Variants in SGCZ observed in about 807,000 individuals in gnomAD.
SGCZ encodes zeta-sarcoglycan.
SGCZ carries 40 observed loss-of-function variants against 41.3 expected under a neutral mutation model. The ratio of observed to expected loss-of-function variants is 0.97; its 90% CI spans 0.75 to 1.26. SGCZ has a LOEUF of 1.26. Ranked by LOEUF, SGCZ falls within the 50% of genes most tolerant of loss-of-function variation. The probability of loss-of-function intolerance (pLI) is 0.00; values close to 1 mark genes in which losing one functional copy is unlikely to be tolerated. For synonymous variants in SGCZ, 206 were observed against 137.5 expected (o/e 1.50, Z -3.49); for missense variants, 552 against 369.8 (o/e 1.49, Z -4.04).
chr8:14,465,927 A>G (rs116210842), intron 2 of SGCZ, among the ~76,000 whole-genome samples: 4 of 151,480 alleles, frequency 2.6e-5, no homozygotes, highest in Admixed American at 6.6e-5. Flanking sequence ...CAATAACACC[A>G]GCTTTAGACT....
intron 3 of SGCZ, among the ~76,000 whole-genome samples, chr8:14,254,765 A>G (rs2117216468): frequency 6.6e-6 from 1 of 152,030 alleles, no homozygotes; most frequent in Non-Finnish European, 1.5e-5. Context: ...TTTCTGGAGG[A>G]GGAATTTGTG....
intron 1 of SGCZ, among the ~76,000 whole-genome samples, chr8:14,686,667 G>T (rs2117556891): frequency 6.6e-6 from 1 of 152,196 alleles, no homozygotes; most frequent in East Asian, 1.9e-4. Context: ...GTTTAGACAT[G>T]TTGCAGGGGC....
At chr8:14,483,694 A>T (rs1801595804) in intron 2 of SGCZ, among the ~76,000 whole-genome samples, 1 of 152,224 alleles carries the variant, frequency 6.6e-6, no homozygotes, top group African/African-American at 2.4e-5. Flanking sequence ...ATCACATTTG[A>T]TCCTGAACTA....
intron 1 of SGCZ, among the ~76,000 whole-genome samples, chr8:15,035,281 C>A (rs1803832924): frequency 6.6e-6 from 1 of 152,086 alleles, no homozygotes; most frequent in Admixed American, 6.6e-5. Context: ...TTAAACTAGC[C>A]TGTTGTAACT....
intron 2 of SGCZ, among the ~76,000 whole-genome samples, chr8:14,355,366 G>T (rs118097090): frequency 6.6e-6 from 1 of 152,008 alleles, no homozygotes; most frequent in Non-Finnish European, 1.5e-5. Flanking sequence ...AACAGTAGTA[G>T]CTAGATTGAT....
intron 1 of SGCZ, among the ~76,000 whole-genome samples, chr8:15,204,507 T>A (rs1295896187): frequency 6.6e-6 from 1 of 152,172 alleles, no homozygotes; most frequent in East Asian, 1.9e-4. Flanking sequence ...TAAAAATGAC[T>A]CAAAATTTTG....
intron 1 of SGCZ, among the ~76,000 whole-genome samples, chr8:14,903,280 T>C (rs1799026004): frequency 6.6e-6 from 1 of 152,034 alleles, no homozygotes; most frequent in Admixed American, 6.6e-5. Flanking sequence ...TACAGCATTA[T>C]TTCTGAGACT....
chr8:14,257,329 G>A (rs1415071308), intron 3 of SGCZ, among the ~76,000 whole-genome samples: 1 of 150,572 alleles, frequency 6.6e-6, no homozygotes, highest in Non-Finnish European at 1.5e-5. Context: ...CCTGGGCAAT[G>A]GAGTGAGACC....
intron 6 of SGCZ, among the ~76,000 whole-genome samples, chr8:14,104,415 T>C (rs745702479): frequency 1.7e-5 from 2 of 119,304 alleles, no homozygotes; most frequent in Admixed American, 8.8e-5. Context: ...TAAGGTGTTA[T>C]GCAACTATCA....
chr8:14,380,602 C>G (rs1232928079), intron 2 of SGCZ, among the ~76,000 whole-genome samples: 1 of 152,028 alleles, frequency 6.6e-6, no homozygotes, highest in Non-Finnish European at 1.5e-5. Context: ...GCCTGTAATC[C>G]CAGTACTTTG....
intron 1 of SGCZ, among the ~76,000 whole-genome samples, chr8:14,662,193 T>C (rs1252226292): frequency 2.0e-5 from 3 of 152,190 alleles, no homozygotes; most frequent in Admixed American, 6.5e-5. Flanking sequence ...GCGTTATTGA[T>C]CTATTACAGT....
At chr8:14,241,167 A>G (rs1487076320) in intron 3 of SGCZ, among the ~76,000 whole-genome samples, 1 of 151,994 alleles carries the variant, frequency 6.6e-6, no homozygotes, top group Non-Finnish European at 1.5e-5. Context: ...ACTCCATTCC[A>G]CTGTCTGATT....
intron 1 of SGCZ, among the ~76,000 whole-genome samples, chr8:14,970,626 T>G (rs575443247): frequency 6.6e-6 from 1 of 152,196 alleles, no homozygotes; most frequent in East Asian, 1.9e-4. Flanking sequence ...TGTGTGCACC[T>G]ATTTCTTGAC....
At position 14,447,258 on chromosome 8, in the gene SGCZ, AC is replaced by A. The variant is rs1800459370; in HGVS notation, c.234+107473del. ...ATCAAGTAAAGAAGTCATCAGTCAA[AC>A]CAAGATCTTTTCTTGCTAAAGTTGC... On this transcript the variant is annotated intron_variant, in intron 2 of 7. Coordinates refer to ENST00000382080, the MANE Select transcript of SGCZ (RefSeq NM_139167.4). Among the ~76,000 whole-genome samples, 2 of 152,142 alleles carry A rather than the reference AC, an allele frequency of 1.3e-5. 1 individual carries two copies. Among genetic ancestry groups the A allele is most frequent in the South Asian group, 4.1e-4 (2 of 4,830 alleles).
intron 1 of SGCZ, among the ~76,000 whole-genome samples, chr8:14,589,890 T>C (rs1805185711): frequency 6.6e-6 from 1 of 152,148 alleles, no homozygotes; most frequent in Admixed American, 6.6e-5. Flanking sequence ...ACTGACAGAA[T>C]TTGAAACAAA....
Position 14,542,321 on chromosome 8 carries a change from C to T in SGCZ, c.234+12411G>A, listed in dbSNP as rs565130206. ...CAAGAAATGCAGAGATTACATTTGCCTCTTTCATTTCATCCCCACCAGGAG... is the reference window on the plus strand; with the variant it reads ...CAAGAAATGCAGAGATTACATTTGCTTCTTTCATTTCATCCCCACCAGGAG... On this transcript the variant is annotated intron_variant, in intron 2 of 7. Transcript: ENST00000382080. 4.6e-5 allele frequency among the ~76,000 whole-genome samples: 7 copies of T among 152,120 alleles called. No individual in the cohort carries two copies. In the East Asian group the frequency reaches 1.4e-3, roughly 29 times the overall value.
intron 1 of SGCZ, among the ~76,000 whole-genome samples, chr8:15,170,233 C>A (rs569275340): frequency 6.6e-6 from 1 of 152,138 alleles, no homozygotes; most frequent in African/African-American, 2.4e-5. Flanking sequence ...AGTTTCCTGG[C>A]CACCTTGACT....
intron 2 of SGCZ, among the ~76,000 whole-genome samples, chr8:14,447,761 G>T (rs13261193): frequency 0.23 from 35,593 of 152,042 alleles, 4,623 homozygotes; most frequent in Admixed American, 0.3. Flanking sequence ...ACTCCATCTG[G>T]CTTTATCTCG....
chr8:14,257,771 T>C (rs1273807710), intron 3 of SGCZ, among the ~76,000 whole-genome samples: 1 of 152,124 alleles, frequency 6.6e-6, no homozygotes, highest in Non-Finnish European at 1.5e-5. Context: ...CTGAGAATTT[T>C]GCAGCATTTT....
Sources: allele counts gnomAD v4.1 joint callset (sites outside exome capture counted in the v4.1 genomes callset), GRCh38; gene constraint gnomAD v4.1.1; transcripts MANE v1.5; gene names NCBI Gene and HGNC (gene_info 2026-07-23, HGNC 2026-07-21).